Variants in PCBD2 observed in about 807,000 individuals in gnomAD.
PCBD2 encodes pterin-4 alpha-carbinolamine dehydratase 2.
Under a neutral mutation model 16.4 loss-of-function variants are expected in PCBD2, and 12 were observed. The observed-to-expected ratio is 0.73, with a 90% CI of 0.47 to 1.19. The LOEUF is 1.19. Among genes scored for constraint, PCBD2 ranks in the 50% most tolerant of loss-of-function variants. PCBD2 has a pLI of 0.00. For synonymous variants in PCBD2, 58 were observed against 61.8 expected, an observed-to-expected ratio of 0.94 and a Z score of 0.29; for missense variants, 138 against 156.8, an observed-to-expected ratio of 0.88 and a Z score of 0.64.
intron 2 of PCBD2, among the ~76,000 whole-genome samples, chr5:134,920,732 T>C (rs1390898269): frequency 2.0e-5 from 3 of 151,848 alleles, no homozygotes; most frequent in Admixed American, 2.0e-4. Context: ...CTTGGCTCAC[T>C]GCAACCTCCA....
At chr5:134,952,287 C>T (rs1289346789) in intron 2 of PCBD2, among the ~76,000 whole-genome samples, 2 of 151,880 alleles carry the variant, frequency 1.3e-5, no homozygotes, top group African/African-American at 4.8e-5. Context: ...AAGGATGCAT[C>T]TATTCCTATC....
intron 1 of PCBD2, 108 bp from the exon 2 acceptor site, chr5:134,910,227 T>A (rs1750751028): frequency 1.7e-6 from 2 of 1,179,606 alleles, no homozygotes; most frequent in South Asian, 3.0e-5. Context: ...ATGGTTAGAA[T>A]TTGTTGCCTT....
chr5:134,956,001 T>G (rs1394843852), intron 2 of PCBD2, among the ~76,000 whole-genome samples: 1 of 152,330 alleles, frequency 6.6e-6, no homozygotes, highest in South Asian at 2.1e-4. Flanking sequence ...TTCCTTGGAG[T>G]AGTTCTTTGA....
At chr5:134,915,952 TC>T (rs1245850577) in intron 2 of PCBD2, among the ~76,000 whole-genome samples, 7 of 152,016 alleles carry the variant, frequency 4.6e-5, no homozygotes, top group African/African-American at 1.4e-4. Flanking sequence ...AGACACCCTC[TC>T]CCTGAAAGAG....
chr5:134,910,563 T>C, intron 2 of PCBD2, 97 bp downstream of exon 2: 1 of 1,391,756 alleles, frequency 7.2e-7, no homozygotes, highest in Non-Finnish European at 9.8e-7. Flanking sequence ...CCCATGTAGA[T>C]CTAGGATTCA....
At chr5:134,924,365 A>T (rs758942808) in intron 2 of PCBD2, 7 of 395,692 alleles carry the variant, frequency 1.8e-5, no homozygotes, top group Non-Finnish European at 3.1e-5. Flanking sequence ...ATCCTGAGGC[A>T]TGGGGGTCAG....
intron 2 of PCBD2, among the ~76,000 whole-genome samples, chr5:134,939,980 T>A (rs989805935): frequency 1.3e-5 from 2 of 152,034 alleles, no homozygotes; most frequent in South Asian, 4.1e-4. Context: ...TTCCTTATGT[T>A]GGCCATCAGG....
At position 134,962,288 on chromosome 5, in the gene PCBD2, CT is replaced by C. The variant is rs1335524953; in HGVS notation, c.*1609del. On this transcript the variant is annotated 3_prime_UTR_variant, in exon 4 of 4. Coordinates refer to ENST00000254908, the MANE Select transcript of PCBD2 (RefSeq NM_032151.5). ...TAAAACTTTTTTGTGGAGACAGGGT[CT>C]TACTATGTTGCCATGGCTGGTCTAG... Among the ~76,000 whole-genome samples the C allele has an allele frequency of 6.6e-6, 1 of 152,052 alleles. No homozygotes were observed. The highest frequency in any genetic ancestry group is 6.5e-5 in the Admixed American group (1 of 15,272).
At chr5:134,917,231 A>C (rs1397393873) in intron 2 of PCBD2, among the ~76,000 whole-genome samples, 1 of 152,260 alleles carries the variant, frequency 6.6e-6, no homozygotes, top group Non-Finnish European at 1.5e-5. Context: ...GGAACCTAGG[A>C]AATAGCTACT....
intron 2 of PCBD2, among the ~76,000 whole-genome samples, chr5:134,939,959 A>G (rs970473531): frequency 1.3e-5 from 2 of 151,294 alleles, no homozygotes; most frequent in Non-Finnish European, 2.9e-5. Context: ...CACCAGGAAC[A>G]TGGCACTTTT....
intron 1 of PCBD2, among the ~76,000 whole-genome samples, chr5:134,908,112 A>T (rs1750719710): frequency 6.7e-6 from 1 of 149,002 alleles, no homozygotes; most frequent in African/African-American, 2.5e-5. Flanking sequence ...TGTAGAGACG[A>T]GGTCTCATTG....
intron 2 of PCBD2, among the ~76,000 whole-genome samples, chr5:134,910,885 G>A (rs1750761279): frequency 6.6e-6 from 1 of 152,058 alleles, no homozygotes; most frequent in South Asian, 2.1e-4. Context: ...CGACCTCCTG[G>A]GCTCAGGTGA....
chr5:134,945,195 C>G (rs1217741064), intron 2 of PCBD2, among the ~76,000 whole-genome samples: 1 of 152,206 alleles, frequency 6.6e-6, no homozygotes, highest in East Asian at 1.9e-4. Flanking sequence ...CCTCCTCCAG[C>G]AGTGTGCTTT....
intron 2 of PCBD2, among the ~76,000 whole-genome samples, chr5:134,946,078 T>TA: frequency 1.3e-5 from 2 of 150,948 alleles, no homozygotes; most frequent in Middle Eastern, 6.8e-3. Context: ...ATTAAATAAA[T>TA]AAATATACTT....
At chr5:134,914,348 TA>T (rs1450728654) in intron 2 of PCBD2, among the ~76,000 whole-genome samples, 1 of 152,094 alleles carries the variant, frequency 6.6e-6, no homozygotes, top group Non-Finnish European at 1.5e-5. Context: ...TTTTGGAGAC[TA>T]AGATAGTGAA....
chr5:134,950,714 G>A (rs1240478348), intron 2 of PCBD2, among the ~76,000 whole-genome samples: 1 of 152,164 alleles, frequency 6.6e-6, no homozygotes, highest in Non-Finnish European at 1.5e-5. Flanking sequence ...CCTTAAAATG[G>A]TAGAGTAACT....
At chr5:134,936,998 A>G (rs1751167749) in intron 2 of PCBD2, among the ~76,000 whole-genome samples, 2 of 152,264 alleles carry the variant, frequency 1.3e-5, no homozygotes, top group African/African-American at 4.8e-5. Context: ...CCAATTTTAT[A>G]GCACTAAATA....
chr5:134,950,919 T>G (rs1327007591), intron 2 of PCBD2, among the ~76,000 whole-genome samples: 2 of 152,184 alleles, frequency 1.3e-5, no homozygotes, highest in Non-Finnish European at 2.9e-5. Flanking sequence ...AAAACCCACC[T>G]AAACAGGTAG....
intron 2 of PCBD2, among the ~76,000 whole-genome samples, chr5:134,950,199 G>A (rs899625258): frequency 3.9e-5 from 6 of 152,188 alleles, no homozygotes; most frequent in Non-Finnish European, 7.3e-5. Context: ...ATTAGTAAAG[G>A]AAGTATTTAG....
Sources: gnomAD v4.1 joint callset for allele counts (sites outside exome capture counted in the v4.1 genomes callset) on GRCh38, gnomAD v4.1.1 for gene constraint, MANE v1.5 for transcripts, NCBI Gene and HGNC (gene_info 2026-07-23, HGNC 2026-07-21) for gene names.